Variants in COL19A1 observed in about 807,000 individuals in gnomAD.
COL19A1 encodes the protein collagen type XIX alpha 1 chain.
In COL19A1, 159 loss-of-function variants were observed where a neutral mutation model predicts 190.2. That is an observed-to-expected ratio of 0.84 (90% CI 0.73 to 0.95). The LOEUF (loss-of-function observed/expected upper bound fraction) is 0.95. COL19A1 is among the 40% of genes least tolerant of loss of function. COL19A1 has a pLI of 0.00. For missense variants in COL19A1, 1,418 were observed against 1,431.9 expected, an observed-to-expected ratio of 0.99 and a Z score of 0.16; for synonymous variants, 509 against 458.9, an observed-to-expected ratio of 1.11 and a Z score of -1.39.
intron 15 of COL19A1, among the ~76,000 whole-genome samples, chr6:70,099,120 T>A (rs1783472857): frequency 6.9e-6 from 1 of 145,342 alleles, no homozygotes; most frequent in South Asian, 2.2e-4. Context: ...CCTGGACCCA[T>A]AGCTCTGTTA....
chr6:70,066,391 T>A (rs1242054271), intron 14 of COL19A1, among the ~76,000 whole-genome samples: 1 of 151,820 alleles, frequency 6.6e-6, no homozygotes, highest in Non-Finnish European at 1.5e-5. Flanking sequence ...TAGGTGGGAA[T>A]TGAGCAATGA....
chr6:70,122,561 A>T (rs1784945312), intron 17 of COL19A1, among the ~76,000 whole-genome samples: 1 of 152,170 alleles, frequency 6.6e-6, no homozygotes, highest in South Asian at 2.1e-4. Context: ...TGATTGATTC[A>T]TCATTCAATG....
At chr6:70,162,966 G>T (rs1199180546) in intron 35 of COL19A1, among the ~76,000 whole-genome samples, 2 of 152,154 alleles carry the variant, frequency 1.3e-5, no homozygotes, top group African/African-American at 4.8e-5. Context: ...TATGCACACT[G>T]TTAATTCTGC....
At chr6:69,977,505 G>A (rs1004115492) in intron 11 of COL19A1, among the ~76,000 whole-genome samples, 3 of 151,528 alleles carry the variant, frequency 2.0e-5, no homozygotes, top group Non-Finnish European at 4.4e-5. Flanking sequence ...CACCAACATG[G>A]CACATGTATA....
intron 11 of COL19A1, among the ~76,000 whole-genome samples, chr6:70,007,146 G>T (rs1420955993): frequency 2.6e-5 from 4 of 151,962 alleles, no homozygotes; most frequent in Non-Finnish European, 5.9e-5. Flanking sequence ...ATTTACATTT[G>T]TGTCCATTGT....
At chr6:70,206,083 A>G (rs1767831144) in intron 49 of COL19A1, among the ~76,000 whole-genome samples, 1 of 152,220 alleles carries the variant, frequency 6.6e-6, no homozygotes, top group African/African-American at 2.4e-5. Flanking sequence ...TGCTCTTGCT[A>G]TCATTTATTA....
In COL19A1 at chr6:70,207,427, A is replaced by G. The variant is rs1451449491; in HGVS notation, c.*153A>G. On this transcript the variant is annotated 3_prime_UTR_variant, in exon 51 of 51. Transcript: ENST00000620364. Reference sequence around the variant, plus strand: ...CATTAAAAGCAACCGTTTGAATCCTATTCCTATAGCAATTGCAAATCAGCA... The same window carrying G: ...CATTAAAAGCAACCGTTTGAATCCTGTTCCTATAGCAATTGCAAATCAGCA... The G allele has an allele frequency of 8.1e-6, 5 of 616,890 alleles. No individual in the cohort carries two copies. In the Admixed American group the frequency reaches 1.8e-4, roughly 22 times the overall value. The allele number at this position is 616,890 out of a possible 1,614,324, so 38.2% of individuals were successfully genotyped here.
chr6:69,948,778 A>G (rs1182169579), intron 9 of COL19A1, among the ~76,000 whole-genome samples: 2 of 151,790 alleles, frequency 1.3e-5, no homozygotes, highest in Admixed American at 1.3e-4. Context: ...TGTAGAAAGA[A>G]TCTTGTGTGG....
At chr6:69,941,388 A>G (rs1773457719) in intron 9 of COL19A1, among the ~76,000 whole-genome samples, 1 of 152,176 alleles carries the variant, frequency 6.6e-6, no homozygotes, top group African/African-American at 2.4e-5. Flanking sequence ...TCCACCATAT[A>G]ATTGTCCATA....
intron 16 of COL19A1, among the ~76,000 whole-genome samples, chr6:70,114,371 G>A (rs1243940522): frequency 6.6e-6 from 1 of 152,206 alleles, no homozygotes; most frequent in Non-Finnish European, 1.5e-5. Flanking sequence ...GGGTCAGACA[G>A]ACCTGAGTTG....
intron 11 of COL19A1, among the ~76,000 whole-genome samples, chr6:69,987,222 AC>A (rs1332800042): frequency 9.2e-5 from 14 of 152,344 alleles, no homozygotes; most frequent in Admixed American, 7.2e-4. Context: ...AAAACAAAAC[AC>A]AGCAAAATAA....
At chr6:69,912,183 A>C (rs2149987996) in intron 4 of COL19A1, among the ~76,000 whole-genome samples, 1 of 152,258 alleles carries the variant, frequency 6.6e-6, no homozygotes, top group Middle Eastern at 3.4e-3. Flanking sequence ...TACATTCTAC[A>C]CTAAGCCCTC....
At chr6:70,091,097 A>G (rs1272592769) in intron 15 of COL19A1, among the ~76,000 whole-genome samples, 2 of 152,094 alleles carry the variant, frequency 1.3e-5, no homozygotes, top group Non-Finnish European at 2.9e-5. Flanking sequence ...TGTATTTCCT[A>G]TCACTATCCA....
chr6:70,051,533 A>T (rs1582784488), intron 14 of COL19A1, among the ~76,000 whole-genome samples: 1 of 152,268 alleles, frequency 6.6e-6, no homozygotes, highest in African/African-American at 2.4e-5. Context: ...GCAAATTTTT[A>T]AAAAATGGAT....
chr6:69,971,842 C>T (rs1240476594), intron 11 of COL19A1, among the ~76,000 whole-genome samples: 1 of 152,192 alleles, frequency 6.6e-6, no homozygotes, highest in Non-Finnish European at 1.5e-5. Flanking sequence ...TTAGTCACCT[C>T]CTAGTTAATC....
chr6:70,098,379 A>G, intron 15 of COL19A1: 1 of 503,162 alleles, frequency 2.0e-6, no homozygotes. Context: ...GTGACTAATC[A>G]TTGAAATTCT....
intron 11 of COL19A1, among the ~76,000 whole-genome samples, chr6:70,016,631 A>T (rs1181754308): frequency 2.6e-5 from 4 of 152,042 alleles, no homozygotes; most frequent in Non-Finnish European, 4.4e-5. Flanking sequence ...TTTGCAAATT[A>T]TATATCTGAT....
At chr6:70,196,242 T>A (rs527769792) in intron 48 of COL19A1, among the ~76,000 whole-genome samples, 176 of 152,290 alleles carry the variant, frequency 1.2e-3, no homozygotes, top group African/African-American at 4.0e-3. Context: ...GTTTCCACAT[T>A]TAGGAGACAT....
chr6:70,140,907 T>C, intron 19 of COL19A1, 47 bp from the exon 20 acceptor site: 1 of 1,596,318 alleles, frequency 6.3e-7, no homozygotes, highest in Admixed American at 1.7e-5. Context: ...GTTTGGAGAG[T>C]TTATTTCTAA....
Sources: gnomAD v4.1 joint callset for allele counts (sites outside exome capture counted in the v4.1 genomes callset) on GRCh38, gnomAD v4.1.1 for gene constraint, MANE v1.5 for transcripts, NCBI Gene and HGNC (gene_info 2026-07-23, HGNC 2026-07-21) for gene names.